PTPRG: variants seen among roughly 807,000 people sequenced by gnomAD.
The protein encoded by PTPRG is receptor-type tyrosine-protein phosphatase gamma.
A neutral mutation model predicts 165.3 loss-of-function variants in PTPRG; 102 were observed. The observed-to-expected ratio is 0.62, with a 90% CI of 0.53 to 0.73. PTPRG has a LOEUF of 0.73. Ranked by LOEUF, PTPRG falls within the 30% of genes least tolerant of loss-of-function variation. PTPRG has a pLI of 0.00. For synonymous variants in PTPRG, 675 were observed against 669.5 expected, an observed-to-expected ratio of 1.01 and a Z score of -0.13; for missense variants, 1,866 against 1,861.4, an observed-to-expected ratio of 1.00 and a Z score of -0.05.
At position 62,233,305 on chromosome 3, in the gene PTPRG, G is replaced by T. The variant is rs558392475; in HGVS notation, c.2375+1994G>T. Reference sequence around the variant, plus strand: ...CATGTCTGTGCTTCTTACGCTAGCCGCCCTGCTGTAATGTACAATTCCTCA... The same window carrying T: ...CATGTCTGTGCTTCTTACGCTAGCCTCCCTGCTGTAATGTACAATTCCTCA... On this transcript the variant is annotated intron_variant, in intron 14 of 29. Coordinates refer to ENST00000474889, the MANE Select transcript of PTPRG (RefSeq NM_002841.4). This position sits in a 1 kb window ranked among gnomAD's most constrained non-coding sequence, Gnocchi z 4.7. Among the ~76,000 whole-genome samples the T allele has an allele frequency of 6.6e-6, 1 of 152,116 alleles. No homozygotes were observed. Among genetic ancestry groups the T allele is most frequent in the South Asian group, 2.1e-4 (1 of 4,826 alleles).
At chr3:61,874,848 G>A (rs1222327306) in intron 2 of PTPRG, among the ~76,000 whole-genome samples, 1 of 152,176 alleles carries the variant, frequency 6.6e-6, no homozygotes, top group Admixed American at 6.5e-5. Context: ...ACCCGTAACT[G>A]AATTCCCAGA....
At chr3:62,085,659 T>C (rs1220101181) in intron 5 of PTPRG, among the ~76,000 whole-genome samples, 2 of 152,256 alleles carry the variant, frequency 1.3e-5, no homozygotes, top group African/African-American at 4.8e-5. Flanking sequence ...CTGTTAACTT[T>C]TTCTTGCTCT....
intron 4 of PTPRG, among the ~76,000 whole-genome samples, chr3:62,013,166 C>G (rs988267023): frequency 1.3e-5 from 2 of 152,086 alleles, no homozygotes; most frequent in African/African-American, 4.8e-5. Flanking sequence ...TTCCCCAATA[C>G]ATTCCAAAAT....
At chr3:61,737,934 A>G (rs1311116774) in intron 1 of PTPRG, among the ~76,000 whole-genome samples, 1 of 141,436 alleles carries the variant, frequency 7.1e-6, no homozygotes, top group African/African-American at 2.6e-5. Context: ...TTTAAGACGG[A>G]GTCTTTCTCT....
Position 62,203,484 on chromosome 3 carries a change from GC to G in PTPRG, c.1692del (p.Asp565MetfsTer47). On this transcript the variant is annotated frameshift_variant, in exon 12 of 30. Coordinates refer to ENST00000474889, the MANE Select transcript of PTPRG (RefSeq NM_002841.4). LOFTEE classifies it high-confidence loss of function. The surrounding 1 kb of genome is among the most constrained non-coding windows in gnomAD (Gnocchi z 6.4). ...ATTEALASPG[P>X]DGDSSPTKDG... The stretch of plus-strand genomic sequence containing the variant: ...CCACAGAGGCCTTGGCTTCTCCAGG[GC>G]CCGATGGTGATTCGTCACCAACCAA... 1 of 1,571,246 alleles carries G rather than the reference GC, an allele frequency of 6.4e-7. No individual in the cohort carries two copies. The highest frequency in any genetic ancestry group is 8.6e-7 in the Non-Finnish European group (1 of 1,157,344).
At chr3:61,911,575 G>A (rs2038805471) in intron 2 of PTPRG, among the ~76,000 whole-genome samples, 1 of 151,842 alleles carries the variant, frequency 6.6e-6, no homozygotes, top group African/African-American at 2.4e-5. Context: ...TTTTAATAGG[G>A]GATGTATTTT....
chr3:62,289,697 A>T (rs1702805364), intron 28 of PTPRG, among the ~76,000 whole-genome samples: 1 of 82,174 alleles, frequency 1.2e-5, no homozygotes, highest in African/African-American at 3.6e-5. Context: ...CCCATTCATG[A>T]TCCCCCCCCC....
At position 61,736,468 on chromosome 3, in the gene PTPRG, T is replaced by C. The variant is rs548710509; in HGVS notation, c.86-12410T>C. Among the ~76,000 whole-genome samples, 11 of 152,256 alleles carry C rather than the reference T, an allele frequency of 7.2e-5. No individual in the cohort carries two copies. In the South Asian group the frequency reaches 2.3e-3, roughly 32 times the overall value. The stretch of plus-strand genomic sequence containing the variant: ...AACTATTATCTTTTTTTTCCCCCAT[T>C]GATCTGTCTAAGCAGTTCATTTTGT... On this transcript the variant is annotated intron_variant, in intron 1 of 29. Transcript: ENST00000474889.
intron 2 of PTPRG, among the ~76,000 whole-genome samples, chr3:61,843,752 CAG>C (rs2036720192): frequency 6.6e-6 from 1 of 151,370 alleles, no homozygotes; most frequent in Non-Finnish European, 1.5e-5. Context: ...CATTTTCTAA[CAG>C]AGTGAAAGTA....
chr3:61,725,214 C>A (rs541819873), intron 1 of PTPRG, among the ~76,000 whole-genome samples: 1 of 152,224 alleles, frequency 6.6e-6, no homozygotes, highest in Non-Finnish European at 1.5e-5. Context: ...GTCACCCAGG[C>A]TGGAGTACAG....
chr3:62,203,985 TC>T lies in PTPRG; in HGVS notation c.2155+37del. 1 of 1,519,260 alleles carries T rather than the reference TC, an allele frequency of 6.6e-7. No individual in the cohort carries two copies. The highest frequency in any genetic ancestry group is 8.8e-7 in the Non-Finnish European group (1 of 1,132,954). 94.1% of individuals were successfully genotyped at this position (1,519,260 alleles called of 1,614,324 possible). ...GCAGGTCTTCTTCGAGGGTTCCTGCTCCTGTGAATAGTCGTACCCTTTTTCA... is the reference window on the plus strand; with the variant it reads ...GCAGGTCTTCTTCGAGGGTTCCTGCTCTGTGAATAGTCGTACCCTTTTTCA... On this transcript the variant is annotated intron_variant, in intron 12 of 29. Transcript: ENST00000474889. This position sits in a 1 kb window ranked among gnomAD's most constrained non-coding sequence, Gnocchi z 6.4.
At chr3:61,977,358 A>G (rs1342106243) in intron 2 of PTPRG, among the ~76,000 whole-genome samples, 1 of 152,126 alleles carries the variant, frequency 6.6e-6, no homozygotes, top group Non-Finnish European at 1.5e-5. Context: ...TGAGTTCTCT[A>G]ATTGTGTGTC....
At chr3:61,878,234 G>C (rs1411359693) in intron 2 of PTPRG, among the ~76,000 whole-genome samples, 1 of 152,110 alleles carries the variant, frequency 6.6e-6, no homozygotes, top group African/African-American at 2.4e-5. Context: ...CTTGACAAGC[G>C]TTCTGAGTGA....
At chr3:61,908,436 C>G (rs1012505225) in intron 2 of PTPRG, among the ~76,000 whole-genome samples, 1 of 135,438 alleles carries the variant, frequency 7.4e-6, no homozygotes, top group Admixed American at 7.5e-5. Flanking sequence ...AAAAAAAAAT[C>G]AGTTTTTCAG....
intron 6 of PTPRG, among the ~76,000 whole-genome samples, chr3:62,149,286 T>C (rs866650247): frequency 0.017 from 2,590 of 148,216 alleles, 70 homozygotes; most frequent in African/African-American, 0.057. Context: ...TTTTTTTTTT[T>C]CCCTCAAGGC....
At chr3:61,753,116 A>G (rs1372538053) in intron 2 of PTPRG, among the ~76,000 whole-genome samples, 1 of 152,158 alleles carries the variant, frequency 6.6e-6, no homozygotes, top group Admixed American at 6.5e-5. Context: ...GTTTCTCTGG[A>G]TCTTAAATTT....
intron 2 of PTPRG, among the ~76,000 whole-genome samples, chr3:61,839,732 C>T (rs1001812213): frequency 3.9e-5 from 6 of 152,072 alleles, no homozygotes; most frequent in African/African-American, 1.2e-4. Context: ...GAAATAAAAT[C>T]GCAATTAATT....
chr3:62,218,762 C>G, intron 12 of PTPRG, 89 bp from the exon 13 acceptor site: 1 of 1,476,934 alleles, frequency 6.8e-7, no homozygotes, highest in Non-Finnish European at 9.2e-7. Flanking sequence ...CGCCAGAAAC[C>G]ACACAAAACT....
intron 1 of PTPRG, among the ~76,000 whole-genome samples, chr3:61,726,305 A>G (rs1169254596): frequency 6.6e-6 from 1 of 152,150 alleles, no homozygotes; most frequent in Non-Finnish European, 1.5e-5. Context: ...CTTTTGATTT[A>G]TGACTTGGTG....
Sources: gnomAD v4.1 joint callset for allele counts (sites outside exome capture counted in the v4.1 genomes callset) on GRCh38, gnomAD v4.1.1 for gene constraint, Gnocchi (gnomAD v3.1) non-coding constraint, MANE v1.5 for transcripts, NCBI Gene and HGNC (gene_info 2026-07-23, HGNC 2026-07-21) for gene names.